MDGA2: variants seen among roughly 807,000 people sequenced by gnomAD.
The protein encoded by MDGA2 is MAM domain containing glycosylphosphatidylinositol anchor 2.
A neutral mutation model predicts 117.8 loss-of-function variants in MDGA2; 40 were observed. That is an observed-to-expected ratio of 0.34 (90% confidence interval 0.26 to 0.44). The LOEUF is 0.44. Among genes scored for constraint, MDGA2 ranks in the 20% least tolerant of loss-of-function variants. MDGA2 has a pLI of 1.00. For synonymous variants in MDGA2, 452 were observed against 439.0 expected, an observed-to-expected ratio of 1.03 and a Z score of -0.37; for missense variants, 1,123 against 1,250.6, an observed-to-expected ratio of 0.90 and a Z score of 1.54.
intron 1 of MDGA2, among the ~76,000 whole-genome samples, chr14:47,588,663 C>A (rs1228986548): frequency 6.6e-6 from 1 of 151,742 alleles, no homozygotes; most frequent in African/African-American, 2.4e-5. Flanking sequence ...AATATTTGCT[C>A]CCATTTTTGA....
intron 5 of MDGA2, among the ~76,000 whole-genome samples, chr14:47,130,500 A>G (rs1472374784): frequency 6.6e-6 from 1 of 152,186 alleles, no homozygotes; most frequent in Non-Finnish European, 1.5e-5. Flanking sequence ...AACAATGAAC[A>G]TTTTGAAATC....
intron 8 of MDGA2, among the ~76,000 whole-genome samples, chr14:46,979,215 G>A (rs1309381660): frequency 1.3e-5 from 2 of 151,952 alleles, no homozygotes; most frequent in African/African-American, 4.8e-5. Flanking sequence ...ACCGGGAACT[G>A]CGCACATATG....
At chr14:46,873,677 A>G in intron 13 of MDGA2, 86 bp from the exon 14 acceptor site, 1 of 1,241,284 alleles carries the variant, frequency 8.1e-7, no homozygotes. Flanking sequence ...TATAGTTTTC[A>G]TACAAAATAA....
intron 5 of MDGA2, among the ~76,000 whole-genome samples, chr14:47,099,477 G>C (rs905105741): frequency 6.6e-6 from 1 of 151,916 alleles, no homozygotes; most frequent in Non-Finnish European, 1.5e-5. Flanking sequence ...GGTATACAAA[G>C]AGTAACATAA....
intron 9 of MDGA2, among the ~76,000 whole-genome samples, chr14:46,931,724 T>C (rs1403511414): frequency 6.6e-6 from 1 of 152,056 alleles, no homozygotes; most frequent in East Asian, 1.9e-4. Flanking sequence ...GGTTTCGCCA[T>C]GTTGGCCAGG....
intron 7 of MDGA2, among the ~76,000 whole-genome samples, chr14:47,056,667 G>T (rs959364080): frequency 2.0e-5 from 3 of 152,124 alleles, no homozygotes; most frequent in African/African-American, 7.2e-5. Context: ...GTCATGCAAA[G>T]AAATAAGTGC....
chr14:47,644,339 T>C (rs957571359), intron 1 of MDGA2, among the ~76,000 whole-genome samples: 3 of 152,084 alleles, frequency 2.0e-5, no homozygotes, highest in Non-Finnish European at 2.9e-5. Flanking sequence ...ATGGACAAAA[T>C]GGATAAAGAA....
chr14:47,073,775 G>A lies in MDGA2; in HGVS notation c.1196-12197C>T, dbSNP rs1890381998. 2.0e-5 allele frequency among the ~76,000 whole-genome samples: 3 copies of A among 152,292 alleles called. No individual in the cohort carries two copies. The South Asian group carries it at 6.2e-4, about 32-fold the overall frequency. ...ATTCCAGAGAGTGGCAGCTTCATGG[G>A]TACTGGAATAGGAATTCGTACTGTG... On this transcript the variant is annotated intron_variant, in intron 6 of 16. Coordinates refer to ENST00000399232, the MANE Select transcript of MDGA2 (RefSeq NM_001113498.3).
intron 1 of MDGA2, among the ~76,000 whole-genome samples, chr14:47,564,163 T>A (rs2138807163): frequency 6.6e-6 from 1 of 152,294 alleles, no homozygotes; most frequent in East Asian, 1.9e-4. Context: ...TGGCTGCCCC[T>A]TCTCTCTAGC....
In MDGA2 at chr14:47,613,166, T is replaced by C. The variant is rs111359465; in HGVS notation, c.280+61351A>G. Among the ~76,000 whole-genome samples the C allele has an allele frequency of 5.0e-4, 76 of 152,258 alleles. 2 individuals carry two copies. Among genetic ancestry groups the C allele is most frequent in the African/African-American group, 1.6e-3 (67 of 41,550 alleles). ...TTACCTTATTTTCCTGTAGAGATAA[T>C]TGAGGAGACCTTAGGGTATAAATAA... On this transcript the variant is annotated intron_variant, in intron 1 of 16. Transcript: ENST00000399232.
At chr14:47,606,342 T>C (rs569099355) in intron 1 of MDGA2, among the ~76,000 whole-genome samples, 35 of 152,350 alleles carry the variant, frequency 2.3e-4, no homozygotes, top group Non-Finnish European at 4.3e-4. Flanking sequence ...TGCTTTTCTG[T>C]CAACATCAGT....
At chr14:47,156,341 A>C (rs2139253705) in intron 3 of MDGA2, among the ~76,000 whole-genome samples, 1 of 152,272 alleles carries the variant, frequency 6.6e-6, no homozygotes, top group East Asian at 1.9e-4. Context: ...CGCTTTCTTA[A>C]CCTCAAAAAC....
At chr14:47,486,571 T>G (rs778437725) in intron 1 of MDGA2, among the ~76,000 whole-genome samples, 9 of 152,082 alleles carry the variant, frequency 5.9e-5, no homozygotes, top group Non-Finnish European at 1.2e-4. Context: ...GGGGCAGAAT[T>G]ATATGGTTTG....
intron 1 of MDGA2, among the ~76,000 whole-genome samples, chr14:47,529,807 T>A (rs1895056520): frequency 6.6e-6 from 1 of 152,206 alleles, no homozygotes; most frequent in Admixed American, 6.5e-5. Flanking sequence ...AGTTAGAAAC[T>A]TTCCTGAAGA....
chr14:46,844,904 C>CA lies in MDGA2; in HGVS notation c.2989+861dup, dbSNP rs570456774. On this transcript the variant is annotated intron_variant, in intron 16 of 16. Transcript: ENST00000399232. ...TATTATTATTATTATGTTTTTGAGACAGACTCTTGCTCTGTCGCCCAGGCT... is the reference window on the plus strand; with the variant it reads ...TATTATTATTATTATGTTTTTGAGACAAGACTCTTGCTCTGTCGCCCAGGCT... Among the ~76,000 whole-genome samples, 26 of 151,992 alleles carry CA rather than the reference C, an allele frequency of 1.7e-4. No homozygotes were observed. The South Asian group carries it at 3.8e-3, about 22-fold the overall frequency.
intron 1 of MDGA2, among the ~76,000 whole-genome samples, chr14:47,530,040 A>G (rs940155590): frequency 2.0e-5 from 3 of 152,246 alleles, no homozygotes; most frequent in Non-Finnish European, 4.4e-5. Context: ...CCAACAGTGC[A>G]TGATGTGCTT....
rs1885351117 is a variant in MDGA2 at position 46,950,943 on chromosome 14, C to A, written c.2089+6431G>T. ...GTCAAATCTGCTTTAGTAGTTGTTTCTTCCCATTTATTCTTCAGGAATAAG... is the reference window on the plus strand; with the variant it reads ...GTCAAATCTGCTTTAGTAGTTGTTTATTCCCATTTATTCTTCAGGAATAAG... On this transcript the variant is annotated intron_variant, in intron 9 of 16. Transcript: ENST00000399232. Among the ~76,000 whole-genome samples, 6 of 151,204 alleles carry A rather than the reference C, an allele frequency of 4.0e-5. No homozygotes were observed. In the South Asian group the frequency reaches 1.2e-3, roughly 31 times the overall value.
intron 4 of MDGA2, among the ~76,000 whole-genome samples, chr14:47,141,971 C>G (rs1256853380): frequency 1.3e-5 from 2 of 152,100 alleles, no homozygotes; most frequent in Non-Finnish European, 2.9e-5. Flanking sequence ...ATCAAAACAT[C>G]ACACCATACC....
At chr14:46,890,907 T>C (rs1398053239) in intron 10 of MDGA2, among the ~76,000 whole-genome samples, 1 of 152,112 alleles carries the variant, frequency 6.6e-6, no homozygotes, top group Non-Finnish European at 1.5e-5. Flanking sequence ...TTAAGGGTGT[T>C]ATGATAAAGT....
Sources: allele counts gnomAD v4.1 joint callset (sites outside exome capture counted in the v4.1 genomes callset), GRCh38; gene constraint gnomAD v4.1.1; transcripts MANE v1.5; gene names NCBI Gene and HGNC (gene_info 2026-07-23, HGNC 2026-07-21).